PTPN4: variants seen among roughly 807,000 people sequenced by gnomAD.
PTPN4 encodes the protein tyrosine-protein phosphatase non-receptor type 4.
PTPN4 carries 49 observed loss-of-function variants against 135.5 expected under a neutral mutation model. The observed-to-expected ratio is 0.36, with a 90% CI of 0.29 to 0.46. The LOEUF (loss-of-function observed/expected upper bound fraction) is 0.46. Ranked by LOEUF, PTPN4 falls within the 20% of genes least tolerant of loss-of-function variation. The pLI, the probability that PTPN4 is intolerant of heterozygous loss-of-function variation, is 1.00. For synonymous variants in PTPN4, 333 were observed against 369.9 expected (o/e 0.90, Z 1.14); for missense variants, 860 against 1,101.0 (o/e 0.78, Z 3.10).
chr2:119,896,107 T>G (rs2105012039), intron 9 of PTPN4, among the ~76,000 whole-genome samples: 1 of 152,360 alleles, frequency 6.6e-6, no homozygotes, highest in South Asian at 2.1e-4. Context: ...ACTGAATTAC[T>G]GTAAGGCAAA....
At chr2:119,880,464 C>T (rs1386392543) in intron 5 of PTPN4, among the ~76,000 whole-genome samples, 4 of 151,340 alleles carry the variant, frequency 2.6e-5, no homozygotes, top group Non-Finnish European at 5.9e-5. Context: ...GAGTCTCACT[C>T]TGTCGCCTAG....
intron 9 of PTPN4, among the ~76,000 whole-genome samples, chr2:119,898,191 G>A (rs1190715683): frequency 6.6e-6 from 1 of 152,178 alleles, no homozygotes; most frequent in Admixed American, 6.5e-5. Context: ...TCAGATAAGT[G>A]GTTTAAGAAA....
chr2:119,853,815 G>A (rs1677632802), intron 2 of PTPN4, among the ~76,000 whole-genome samples: 1 of 151,672 alleles, frequency 6.6e-6, no homozygotes, highest in Non-Finnish European at 1.5e-5. Context: ...TTACTTTCTG[G>A]TTGGAGAACT....
chr2:119,802,872 G>A (rs1691400069), intron 1 of PTPN4, among the ~76,000 whole-genome samples: 2 of 152,056 alleles, frequency 1.3e-5, no homozygotes, highest in Admixed American at 1.3e-4. Context: ...TTAGAATTAC[G>A]AATTTGATTT....
chr2:119,836,937 A>G lies in PTPN4; in HGVS notation c.139-25599A>G, dbSNP rs1348154562. On this transcript the variant is annotated intron_variant, in intron 2 of 26. Transcript: ENST00000263708. ...ATGGCTCGTCACGGGCCTCCAGGCA[A>G]CCCTCAGCTCCAGCAGCCTGGGCAC... 1.1e-4 allele frequency among the ~76,000 whole-genome samples: 16 copies of G among 152,236 alleles called. No individual in the cohort carries two copies. In the East Asian group the frequency reaches 3.1e-3, roughly 30 times the overall value.
intron 5 of PTPN4, among the ~76,000 whole-genome samples, 167 bp from the exon 6 acceptor site, chr2:119,881,619 T>C (rs993372972): frequency 6.6e-6 from 1 of 152,212 alleles, no homozygotes; most frequent in Non-Finnish European, 1.5e-5. Context: ...TTTAGATTCA[T>C]GAGCTTATGA....
At chr2:119,778,674 T>C (rs1283619820) in intron 1 of PTPN4, among the ~76,000 whole-genome samples, 1 of 152,108 alleles carries the variant, frequency 6.6e-6, no homozygotes, top group Non-Finnish European at 1.5e-5. Context: ...AGGAAAAGCC[T>C]TAGGTAAATC....
chr2:119,947,520 T>G (rs987802101), intron 18 of PTPN4, among the ~76,000 whole-genome samples: 3 of 152,140 alleles, frequency 2.0e-5, no homozygotes, highest in African/African-American at 7.2e-5. Flanking sequence ...AGATAGCTAT[T>G]GAGGTGTCAC....
At chr2:119,766,883 C>A (rs924551763) in intron 1 of PTPN4, among the ~76,000 whole-genome samples, 2 of 152,142 alleles carry the variant, frequency 1.3e-5, no homozygotes, top group East Asian at 1.9e-4. Flanking sequence ...GCTAGGATTT[C>A]TTCTTTGGCA....
At chr2:119,779,649 G>A (rs1690901346) in intron 1 of PTPN4, among the ~76,000 whole-genome samples, 1 of 152,080 alleles carries the variant, frequency 6.6e-6, no homozygotes, top group African/African-American at 2.4e-5. Context: ...AGCTATCGAG[G>A]ATACTTTTTC....
At chr2:119,965,687 A>T in intron 25 of PTPN4, 42 bp downstream of exon 25, 1 of 1,563,850 alleles carries the variant, frequency 6.4e-7, no homozygotes, top group Non-Finnish European at 8.7e-7. Flanking sequence ...AGCTGAACAG[A>T]TACGTCATTT....
At chr2:119,858,057 C>T (rs954036355) in intron 2 of PTPN4, among the ~76,000 whole-genome samples, 18 of 152,324 alleles carry the variant, frequency 1.2e-4, no homozygotes, top group African/African-American at 4.1e-4. Context: ...CCTGCTCTTG[C>T]CGTGTGATGT....
chr2:119,784,608 C>T (rs1448413841), intron 1 of PTPN4, among the ~76,000 whole-genome samples: 5 of 151,520 alleles, frequency 3.3e-5, no homozygotes, highest in African/African-American at 1.2e-4. Flanking sequence ...AGGATGGTCT[C>T]GATCTCCTGA....
intron 3 of PTPN4, among the ~76,000 whole-genome samples, chr2:119,863,303 G>C (rs149502167): frequency 6.6e-6 from 1 of 152,132 alleles, no homozygotes; most frequent in East Asian, 1.9e-4. Context: ...ACTCTGAACC[G>C]AGATAAAGGG....
intron 14 of PTPN4, among the ~76,000 whole-genome samples, chr2:119,933,155 C>G (rs1210588780): frequency 6.6e-6 from 1 of 152,084 alleles, no homozygotes; most frequent in East Asian, 1.9e-4. Flanking sequence ...AGTTCATAAA[C>G]TAGCCAAATG....
chr2:119,835,590 T>C (rs1677279010), intron 2 of PTPN4, among the ~76,000 whole-genome samples: 1 of 152,200 alleles, frequency 6.6e-6, no homozygotes, highest in Non-Finnish European at 1.5e-5. Context: ...GTCTATATTC[T>C]CTATAAGGAT....
At chr2:119,836,924 G>A (rs968892733) in intron 2 of PTPN4, among the ~76,000 whole-genome samples, 1 of 152,212 alleles carries the variant, frequency 6.6e-6, no homozygotes, top group Non-Finnish European at 1.5e-5. Context: ...GGCTCGTCAC[G>A]GGCCTCCAGG....
chr2:119,807,366 T>C (rs1691492741), intron 1 of PTPN4, among the ~76,000 whole-genome samples: 1 of 152,014 alleles, frequency 6.6e-6, no homozygotes, highest in African/African-American at 2.4e-5. Context: ...AAGAATCGAA[T>C]AGACGCAATA....
At chr2:119,835,827 T>TGGGA (rs2104966199) in intron 2 of PTPN4, among the ~76,000 whole-genome samples, 1 of 152,130 alleles carries the variant, frequency 6.6e-6, no homozygotes, top group South Asian at 2.1e-4. Context: ...CCCAGCACTT[T>TGGGA]GGGAGGCCAA....
Sources: gnomAD v4.1 joint callset for allele counts (sites outside exome capture counted in the v4.1 genomes callset) on GRCh38, gnomAD v4.1.1 for gene constraint, MANE v1.5 for transcripts, NCBI Gene and HGNC (gene_info 2026-07-23, HGNC 2026-07-21) for gene names.